Variants in PLA2G2A observed in about 807,000 individuals in gnomAD.
PLA2G2A encodes phospholipase A2 group IIA.
PLA2G2A carries 6 observed loss-of-function variants against 11.2 expected under a neutral mutation model. The observed-to-expected ratio is 0.54, with a 90% CI of 0.29 to 1.06. The LOEUF (loss-of-function observed/expected upper bound fraction) is 1.06. PLA2G2A is among the 50% of genes least tolerant of loss of function. The pLI, the probability that PLA2G2A is intolerant of heterozygous loss-of-function variation, is 0.08. For missense variants in PLA2G2A, 133 were observed against 177.1 expected, an observed-to-expected ratio of 0.75 and a Z score of 1.41; for synonymous variants, 69 against 65.8, an observed-to-expected ratio of 1.05 and a Z score of -0.23.
Position 19,978,557 on chromosome 1 carries a change from G to A in PLA2G2A, c.41-33C>T, listed in dbSNP as rs771166136. The A allele has an allele frequency of 2.5e-6, 4 of 1,612,740 alleles. No homozygotes were observed. In the South Asian group the frequency reaches 4.4e-5, roughly 18 times the overall value. ...GAAATTTGGGAGTTGTCTGGTGATG[G>A]GGCATGGGGTTCTGCGCCCTCCCTC... On this transcript the variant is annotated intron_variant, in intron 2 of 4. Transcript: ENST00000482011.
chr1:19,979,529 A>G (rs2046273258), intron 1 of PLA2G2A, 51 bp downstream of exon 1: 1 of 152,884 alleles, frequency 6.5e-6, no homozygotes, highest in Non-Finnish European at 1.5e-5. Context: ...AAGGCAGCGA[A>G]TGAGCAGGAA....
chr1:19,976,118 T>A (rs1367762617), intron 4 of PLA2G2A, among the ~76,000 whole-genome samples: 1 of 152,196 alleles, frequency 6.6e-6, no homozygotes, highest in Non-Finnish European at 1.5e-5. Flanking sequence ...AACAGATGTG[T>A]CCAGGAGGCA....
Position 19,977,067 on chromosome 1 carries a change from C to G in PLA2G2A, c.292+948G>C, listed in dbSNP as rs11573169. On this transcript the variant is annotated intron_variant, in intron 4 of 4. Coordinates refer to ENST00000482011, the Ensembl canonical transcript of PLA2G2A. ...ACAGCAAATGAGTGATCACACCCAC[C>G]TCTCAGGTCTCTGCTGCTGGCTTCT... 1.1e-3 allele frequency among the ~76,000 whole-genome samples: 175 copies of G among 152,332 alleles called. 3 individuals carry two copies. Among genetic ancestry groups the G allele is most frequent in the African/African-American group, 4.0e-3 (166 of 41,576 alleles).
chr1:19,976,248 A>G (rs895343388), intron 4 of PLA2G2A, among the ~76,000 whole-genome samples: 1 of 152,196 alleles, frequency 6.6e-6, no homozygotes, highest in African/African-American at 2.4e-5. Context: ...CCAACCAATG[A>G]GCAACAAGGG....
chr1:19,978,928 T>C (rs2046264103), intron 1 of PLA2G2A, 49 bp from the exon 2 acceptor site: 3 of 708,116 alleles, frequency 4.2e-6, no homozygotes, highest in Non-Finnish European at 5.1e-6. Context: ...CCAGGGTGAC[T>C]TCCTCTGTCA....
chr1:19,978,194 T>C, intron 3 of PLA2G2A, 73 bp from the exon 4 acceptor site: 4 of 1,370,570 alleles, frequency 2.9e-6, no homozygotes, highest in Middle Eastern at 3.6e-4. Flanking sequence ...TCTCACCCCC[T>C]TGGACCCTGG....
chr1:19,975,548 C>A, downstream of PLA2G2A: 2 of 709,852 alleles, frequency 2.8e-6, no homozygotes, highest in South Asian at 3.2e-5. Context: ...CTGGATGTCT[C>A]ATTCTGGGTG....
chr1:19,975,944 G>A lies in PLA2G2A; in HGVS notation c.293-101C>T, dbSNP rs1055711403. 13 of 992,764 alleles carry A rather than the reference G, an allele frequency of 1.3e-5. No individual in the cohort carries two copies. The Middle Eastern group carries it at 8.1e-4, about 62-fold the overall frequency. The allele number at this position is 992,764 out of a possible 1,614,324, so 61.5% of individuals were successfully genotyped here. A position where few individuals can be genotyped will look rare whatever the true frequency, so the allele number is the denominator to read the frequency against. ...GAAGACACAGCCCTGTCCTCCAGAA[G>A]CTCCTAGTTGGAGACAAACACCTGC... is the stretch of plus-strand genomic sequence containing the variant. On this transcript the variant is annotated intron_variant, in intron 4 of 4. Transcript: ENST00000482011.
At chr1:19,975,895 G>A (rs1318328003) in intron 4 of PLA2G2A, 52 bp from the exon 5 acceptor site, 3 of 1,533,368 alleles carry the variant, frequency 2.0e-6, no homozygotes, top group African/African-American at 1.4e-5. Context: ...ATATTCAGTG[G>A]CTTCTTGTGG....
At chr1:19,980,168 C>T (rs2046280756), upstream of PLA2G2A, among the ~76,000 whole-genome samples, 1 of 152,192 alleles carries the variant, frequency 6.6e-6, no homozygotes, top group Non-Finnish European at 1.5e-5. Flanking sequence ...CCACAGTCCA[C>T]CAGGGAGAGA....
upstream of PLA2G2A, chr1:19,980,218 C>T (rs1315967319): frequency 6.6e-6 from 1 of 152,322 alleles, no homozygotes; most frequent in East Asian, 1.9e-4. Context: ...TAACTTGGGC[C>T]AGGGCCTCAA....
chr1:19,978,062 TTGG>T, exon 4 of PLA2G2A: 1 of 1,614,054 alleles, frequency 6.2e-7, no homozygotes, highest in East Asian at 2.2e-5. Flanking sequence ...GCTCAGAAAT[TTGG>T]TGCCACATCC....
At chr1:19,975,985 G>T (rs1405694874) in intron 4 of PLA2G2A, 142 bp from the exon 5 acceptor site, 6 of 736,394 alleles carry the variant, frequency 8.1e-6, no homozygotes, top group Non-Finnish European at 1.4e-5. Flanking sequence ...AGATATTTCT[G>T]ACCAATGGGG....
chr1:19,978,901 T>A, intron 1 of PLA2G2A, 22 bp from the exon 2 acceptor site: 1 of 841,544 alleles, frequency 1.2e-6, no homozygotes, highest in Non-Finnish European at 2.0e-6. Flanking sequence ...AGACATGCTC[T>A]CCCATCCAAC....
chr1:19,977,121 CCT>C (rs2046231128), intron 4 of PLA2G2A, among the ~76,000 whole-genome samples: 1 of 152,182 alleles, frequency 6.6e-6, no homozygotes, highest in Non-Finnish European at 1.5e-5. Flanking sequence ...TGAATTCTCC[CCT>C]GAGCTGCATT....
exon 3 of PLA2G2A, chr1:19,978,423 A>G (rs745359887): frequency 1.2e-6 from 2 of 1,611,968 alleles, no homozygotes; most frequent in Admixed American, 1.7e-5. Flanking sequence ...CCCACGCCAC[A>G]GTGGCAGCCG....
At chr1:19,979,083 C>T (rs1319635197) in intron 1 of PLA2G2A, 10 of 471,648 alleles carry the variant, frequency 2.1e-5, no homozygotes, top group African/African-American at 2.0e-4. Context: ...CCCCATGATA[C>T]ACTAATGAGA....
exon 3 of PLA2G2A, chr1:19,978,464 C>A: frequency 2.5e-6 from 4 of 1,613,968 alleles, no homozygotes; most frequent in Non-Finnish European, 3.4e-6. Context: ...GGCTTCCTTT[C>A]CTGTCGTCAA....
At chr1:19,978,558 G>C in intron 2 of PLA2G2A, 34 bp from the exon 3 acceptor site, 1 of 1,612,582 alleles carries the variant, frequency 6.2e-7, no homozygotes. Context: ...CTGGTGATGG[G>C]GCATGGGGTT....
Sources: allele counts gnomAD v4.1 joint callset (sites outside exome capture counted in the v4.1 genomes callset), GRCh38; gene constraint gnomAD v4.1.1; transcripts MANE v1.5; gene names NCBI Gene and HGNC (gene_info 2026-07-23, HGNC 2026-07-21).